FRMPD2: variants seen among roughly 807,000 people sequenced by gnomAD.
FRMPD2 encodes the protein FERM and PDZ domain-containing protein 2.
Under a neutral mutation model 140.1 loss-of-function variants are expected in FRMPD2, and 96 were observed. The ratio of observed to expected loss-of-function variants is 0.69; its 90% CI spans 0.58 to 0.81. The LOEUF is 0.81. FRMPD2 is among the 40% of genes least tolerant of loss of function. FRMPD2 has a pLI of 0.00. For missense variants in FRMPD2, 1,240 were observed against 1,447.4 expected (o/e 0.86, Z 2.32); for synonymous variants, 449 against 547.6 (o/e 0.82, Z 2.52).
intron 12 of FRMPD2, among the ~76,000 whole-genome samples, chr10:48,218,158 T>C (rs1425863592): frequency 6.6e-6 from 1 of 152,148 alleles, no homozygotes; most frequent in Non-Finnish European, 1.5e-5. Flanking sequence ...AAATTTCTTC[T>C]TCTTATAAGG....
chr10:48,222,995 C>G lies in FRMPD2; in HGVS notation c.1316+128G>C, dbSNP rs557299707. 1.7e-4 allele frequency: 147 copies of G among 873,818 alleles called. No homozygotes were observed. The African/African-American group carries it at 2.3e-3, about 13-fold the overall frequency. 54.1% of individuals were successfully genotyped at this position (873,818 alleles called of 1,614,324 possible). On this transcript the variant is annotated intron_variant, in intron 11 of 28. Transcript: ENST00000374201. ...CAGAATCCAATCAACAGAAAACCAA[C>G]CACAATAGCTATTGTTATTTGTATG...
chr10:48,160,281 A>G (rs1426435723), intron 28 of FRMPD2, among the ~76,000 whole-genome samples: 2 of 151,694 alleles, frequency 1.3e-5, no homozygotes, highest in Non-Finnish European at 2.9e-5. Context: ...GAGAAAAGAG[A>G]ACAGGGAAAG....
chr10:48,260,167 A>T (rs1477653139), intron 1 of FRMPD2, among the ~76,000 whole-genome samples: 1 of 152,024 alleles, frequency 6.6e-6, no homozygotes, highest in Non-Finnish European at 1.5e-5. Context: ...AGATTGATAG[A>T]TAGATAGATC....
At chr10:48,257,105 C>T (rs532237446) in intron 1 of FRMPD2, among the ~76,000 whole-genome samples, 1 of 152,134 alleles carries the variant, frequency 6.6e-6, no homozygotes, top group Admixed American at 6.5e-5. Context: ...CCGCATTCCT[C>T]AGCTATGGCC....
chr10:48,213,006 G>A (rs571251267), intron 12 of FRMPD2, among the ~76,000 whole-genome samples: 5 of 152,344 alleles, frequency 3.3e-5, no homozygotes, highest in African/African-American at 1.2e-4. Flanking sequence ...CCCTGGGCAA[G>A]CCATTTCCCT....
At chr10:48,209,349 T>C (rs1839268571) in intron 13 of FRMPD2, among the ~76,000 whole-genome samples, 1 of 152,244 alleles carries the variant, frequency 6.6e-6, no homozygotes, top group African/African-American at 2.4e-5. Context: ...AAACAGGTTA[T>C]TCTGAGATTA....
chr10:48,269,028 G>C (rs1840723021), intron 1 of FRMPD2, among the ~76,000 whole-genome samples: 1 of 151,716 alleles, frequency 6.6e-6, no homozygotes, highest in Non-Finnish European at 1.5e-5. Flanking sequence ...ATGGCAAAAG[G>C]GTTACTATTT....
intron 1 of FRMPD2, among the ~76,000 whole-genome samples, chr10:48,263,311 A>G (rs1840626017): frequency 1.3e-5 from 2 of 152,082 alleles, no homozygotes; most frequent in Non-Finnish European, 2.9e-5. Flanking sequence ...ATAATAACAA[A>G]TTAGAACAGA....
At chr10:48,182,461 T>C (rs1179817610) in intron 20 of FRMPD2, among the ~76,000 whole-genome samples, 1 of 152,204 alleles carries the variant, frequency 6.6e-6, no homozygotes, top group Non-Finnish European at 1.5e-5. Context: ...ATTTTATCTG[T>C]CTGATCCTGA....
intron 7 of FRMPD2, among the ~76,000 whole-genome samples, chr10:48,238,503 TA>T (rs1415945894): frequency 2.0e-5 from 3 of 152,186 alleles, no homozygotes; most frequent in Non-Finnish European, 4.4e-5. Context: ...GACAATAAAA[TA>T]TATTGTTTAA....
intron 9 of FRMPD2, among the ~76,000 whole-genome samples, chr10:48,234,081 T>G (rs1025177046): frequency 2.6e-5 from 4 of 152,168 alleles, no homozygotes; most frequent in Admixed American, 1.3e-4. Flanking sequence ...GACCACTGAT[T>G]GTCTGGGCTG....
chr10:48,241,513 A>T (rs1158647886), intron 5 of FRMPD2, among the ~76,000 whole-genome samples: 1 of 152,220 alleles, frequency 6.6e-6, no homozygotes, highest in African/African-American at 2.4e-5. Flanking sequence ...AGCTGAGACT[A>T]TATCCTTCAA....
At chr10:48,244,087 C>G (rs1467214140) in intron 4 of FRMPD2, among the ~76,000 whole-genome samples, 1 of 152,330 alleles carries the variant, frequency 6.6e-6, no homozygotes, top group Admixed American at 6.5e-5. Context: ...GGGGTTTAAG[C>G]GATTCTCATG....
At chr10:48,248,345 T>G (rs1840300292) in intron 3 of FRMPD2, among the ~76,000 whole-genome samples, 1 of 152,144 alleles carries the variant, frequency 6.6e-6, no homozygotes, top group South Asian at 2.1e-4. Context: ...ACCAAAAACC[T>G]CCACTGATGT....
intron 1 of FRMPD2, among the ~76,000 whole-genome samples, chr10:48,272,571 G>C (rs1349324606): frequency 1.3e-5 from 2 of 152,184 alleles, no homozygotes; most frequent in African/African-American, 4.8e-5. Context: ...TGTGTTCAGC[G>C]ATATCACATT....
chr10:48,262,455 T>C (rs1298690937), intron 1 of FRMPD2, among the ~76,000 whole-genome samples: 1 of 152,196 alleles, frequency 6.6e-6, no homozygotes, highest in African/African-American at 2.4e-5. Context: ...CAATCTCTGA[T>C]GCATATGCAC....
chr10:48,188,036 T>C (rs898296116), intron 16 of FRMPD2, among the ~76,000 whole-genome samples: 1 of 152,102 alleles, frequency 6.6e-6, no homozygotes, highest in Non-Finnish European at 1.5e-5. Flanking sequence ...AAGTCTAGAT[T>C]GAGAGGGAAC....
intron 4 of FRMPD2, among the ~76,000 whole-genome samples, chr10:48,243,761 G>C (rs189236911): frequency 6.6e-6 from 1 of 152,102 alleles, no homozygotes; most frequent in Non-Finnish European, 1.5e-5. Context: ...GGAAGAGCCC[G>C]GATGTTGAAT....
intron 15 of FRMPD2, 28 bp from the exon 16 acceptor site, chr10:48,192,922 TAC>T (rs755623667): frequency 1.5e-5 from 23 of 1,511,390 alleles, no homozygotes; most frequent in Non-Finnish European, 1.6e-5. Context: ...AACATAGACA[TAC>T]ACACACACAA....
Sources: allele counts gnomAD v4.1 joint callset (sites outside exome capture counted in the v4.1 genomes callset), GRCh38; gene constraint gnomAD v4.1.1; transcripts MANE v1.5; gene names NCBI Gene and HGNC (gene_info 2026-07-23, HGNC 2026-07-21).